The following PIEZO2 variants were observed in gnomAD, a reference collection of about 807,000 sequenced individuals.
PIEZO2 encodes piezo type mechanosensitive ion channel component 2.
PIEZO2 carries 172 observed loss-of-function variants against 337.3 expected under a neutral mutation model. The ratio of observed to expected loss-of-function variants is 0.51; its 90% CI spans 0.45 to 0.58. The LOEUF (loss-of-function observed/expected upper bound fraction) is 0.58. PIEZO2 is among the 20% of genes least tolerant of loss of function. PIEZO2 has a pLI of 0.00. For missense variants in PIEZO2, 3,028 were observed against 3,391.3 expected (o/e 0.89, Z 2.66); for synonymous variants, 1,251 against 1,228.5 (o/e 1.02, Z -0.38).
In PIEZO2 at chr18:11,149,129, G is replaced by A. The variant is rs886563483; in HGVS notation, c.-541C>T. ...ACGCAGGCTGCCGCGCTCTGGCCTC[G>A]GCCCCGGCTCTCGGAGCTGCCCGGC... is the stretch of plus-strand genomic sequence containing the variant. On this transcript the variant is annotated 5_prime_UTR_variant, in exon 1 of 56. Coordinates refer to ENST00000674853, the MANE Select transcript of PIEZO2 (RefSeq NM_001378183.1). The surrounding 1 kb of genome is among the most constrained non-coding windows in gnomAD (Gnocchi z 8.7). Among the ~76,000 whole-genome samples, 1 of 152,114 alleles carries A rather than the reference G, an allele frequency of 6.6e-6. No homozygotes were observed. Among genetic ancestry groups the A allele is most frequent in the Non-Finnish European group, 1.5e-5 (1 of 68,002 alleles).
chr18:10,777,287 ATTTG>A (rs771830701), intron 18 of PIEZO2, among the ~76,000 whole-genome samples: 5 of 152,304 alleles, frequency 3.3e-5, no homozygotes, highest in South Asian at 2.1e-4. Flanking sequence ...GATGACAAGT[ATTTG>A]TTTGTGTCTT....
chr18:10,737,811 G>C (rs1258514415), intron 33 of PIEZO2: 1 of 152,118 alleles, frequency 6.6e-6, no homozygotes, highest in East Asian at 1.9e-4. Context: ...ATTATATTCA[G>C]GTTTTCAAAT....
Position 10,676,567 on chromosome 18 carries a change from C to T in PIEZO2, c.8081+1180G>A, listed in dbSNP as rs510529. On this transcript the variant is annotated intron_variant, in intron 53 of 55. Coordinates refer to ENST00000674853, the MANE Select transcript of PIEZO2 (RefSeq NM_001378183.1). This position sits in a 1 kb window ranked among gnomAD's most constrained non-coding sequence, Gnocchi z 5.1. ...TCCTCCTCAACCGTGTATACTCTAC[C>T]CCCATTCAGAGACCCAGGGGCAGGA... Among the ~76,000 whole-genome samples, 66,669 of 152,034 alleles carry T rather than the reference C, an allele frequency of 0.44. 15,722 individuals carry two copies. Among genetic ancestry groups the T allele is most frequent in the East Asian group, 0.64 (3,285 of 5,160 alleles).
chr18:10,843,814 C>G (rs1346754757), intron 7 of PIEZO2, among the ~76,000 whole-genome samples: 1 of 152,188 alleles, frequency 6.6e-6, no homozygotes, highest in Non-Finnish European at 1.5e-5. Flanking sequence ...AAGAGTAGCT[C>G]ACTCCACACC....
Position 10,680,335 on chromosome 18 carries a change from C to A in PIEZO2, c.7816G>T (p.Asp2606Tyr). 1 of 1,613,978 alleles carries A rather than the reference C, an allele frequency of 6.2e-7. No homozygotes were observed. The highest frequency in any genetic ancestry group is 8.5e-7 in the Non-Finnish European group (1 of 1,179,940). Residue 2606 changes from aspartate (D) to tyrosine (Y), a missense_variant, in exon 52 of 56, where the codon GAC becomes TAC. Coordinates refer to ENST00000674853, the MANE Select transcript of PIEZO2 (RefSeq NM_001378183.1). ...CCTTCCAGTTCTGCTACTGTTATGT[C>A]TTCTTTTTCATAATTTTCCAGAAAT... is the stretch of plus-strand genomic sequence containing the variant. ...MQFLENYEKE[D>Y]ITVAELEGNS...
At position 11,078,374 on chromosome 18, in the gene PIEZO2, A is replaced by G. The variant is rs1042894412; in HGVS notation, c.65-12152T>C. 3.9e-5 allele frequency among the ~76,000 whole-genome samples: 6 copies of G among 152,188 alleles called. No homozygotes were observed. The highest frequency in any genetic ancestry group is 8.8e-5 in the Non-Finnish European group (6 of 68,026). On this transcript the variant is annotated intron_variant, in intron 1 of 55. Coordinates refer to ENST00000674853, the MANE Select transcript of PIEZO2 (RefSeq NM_001378183.1). The surrounding 1 kb of genome is among the most constrained non-coding windows in gnomAD (Gnocchi z 5.3). ...GCCTTGGACTGAGGTGTGCATTAAC[A>G]CGAAAAGAAATCAATTCAACTAACT...
chr18:10,723,549 A>G (rs2036408835), intron 36 of PIEZO2, among the ~76,000 whole-genome samples: 1 of 152,102 alleles, frequency 6.6e-6, no homozygotes, highest in Non-Finnish European at 1.5e-5. Flanking sequence ...TGGAGAAATA[A>G]CAGCATGTGT....
At chr18:10,694,244 GAACGGTCAGAACCTA>G (rs1252692646) in intron 47 of PIEZO2, among the ~76,000 whole-genome samples, 3 of 151,672 alleles carry the variant, frequency 2.0e-5, no homozygotes, top group Admixed American at 6.6e-5. Flanking sequence ...TACTGAAATC[GAACGGTCAGAACCTA>G]AACACTCAAA....
chr18:10,759,754 G>T lies in PIEZO2; in HGVS notation c.3606C>A (p.Ile1202=), dbSNP rs977439938. 15 of 1,537,218 alleles carry T rather than the reference G, an allele frequency of 9.8e-6. No individual in the cohort carries two copies. The highest frequency in any genetic ancestry group is 1.3e-5 in the Non-Finnish European group (15 of 1,146,926). The stretch of plus-strand genomic sequence containing the variant: ...CAATGCAGATGAAATACTGGAAGGT[G>T]ATGATGCATGCCAGGAAGCAGCAGT... ...PKYCCFLACI[I]TFQYFICIGI... is the part of the protein sequence containing the mutation. Residue 1202 remains isoleucine (I), a synonymous_variant, in exon 25 of 56, where the codon ATC becomes ATA. Transcript: ENST00000674853. The surrounding 1 kb of genome is among the most constrained non-coding windows in gnomAD (Gnocchi z 5.5).
Position 11,036,933 on chromosome 18 carries a change from C to T in PIEZO2, c.160+29194G>A, listed in dbSNP as rs145396144. ...CGTGGACCCAGGCACTTCATACTTG[C>T]AGTCAGAATTTTTTTTTCTTATTTG... On this transcript the variant is annotated intron_variant, in intron 2 of 55. Transcript: ENST00000674853. Among the ~76,000 whole-genome samples the T allele has an allele frequency of 1.2e-3, 187 of 152,150 alleles. 1 individual carries two copies. Among genetic ancestry groups the T allele is most frequent in the African/African-American group, 4.4e-3 (182 of 41,504 alleles).
At chr18:10,838,468 C>T (rs1446772817) in intron 7 of PIEZO2, among the ~76,000 whole-genome samples, 1 of 152,204 alleles carries the variant, frequency 6.6e-6, no homozygotes, top group Non-Finnish European at 1.5e-5. Context: ...GGGGCACAAA[C>T]ATGTCTTAAC....
rs1182182974 is a variant in PIEZO2, at chr18:10,877,121, AC to A, written c.330-5707del. 3.3e-5 allele frequency among the ~76,000 whole-genome samples: 5 copies of A among 152,144 alleles called. No individual in the cohort carries two copies. Among genetic ancestry groups the A allele is most frequent in the African/African-American group, 1.2e-4 (5 of 41,426 alleles). The stretch of plus-strand genomic sequence containing the variant: ...GCCACCAGACTCTTCTCTACGTCCT[AC>A]TTAATTGTTGATGAGTCCACAAAAT... On this transcript the variant is annotated intron_variant, in intron 4 of 55. Coordinates refer to ENST00000674853, the MANE Select transcript of PIEZO2 (RefSeq NM_001378183.1). The surrounding 1 kb of genome is among the most constrained non-coding windows in gnomAD (Gnocchi z 5.3).
chr18:10,732,355 A>C (rs1321561145), intron 35 of PIEZO2, among the ~76,000 whole-genome samples: 3 of 152,208 alleles, frequency 2.0e-5, no homozygotes, highest in African/African-American at 7.2e-5. Flanking sequence ...TTTCATTATG[A>C]TGATAAAGTT....
Position 11,050,223 on chromosome 18 carries a change from A to C in PIEZO2, c.160+15904T>G, listed in dbSNP as rs536255065. The stretch of plus-strand genomic sequence containing the variant: ...GTGGTGAGCTGATATTGATAATAAA[A>C]CACCTAATAATTCACCCAATTAAAT... On this transcript the variant is annotated intron_variant, in intron 2 of 55. Coordinates refer to ENST00000674853, the MANE Select transcript of PIEZO2 (RefSeq NM_001378183.1). Among the ~76,000 whole-genome samples the C allele has an allele frequency of 3.9e-5, 6 of 152,270 alleles. No individual in the cohort carries two copies. In the East Asian group the frequency reaches 1.2e-3, roughly 29 times the overall value.
Position 11,131,049 on chromosome 18 carries a change from T to C in PIEZO2, c.64+17476A>G, listed in dbSNP as rs965571553. 5.3e-5 allele frequency among the ~76,000 whole-genome samples: 8 copies of C among 152,212 alleles called. No homozygotes were observed. Among genetic ancestry groups the C allele is most frequent in the Non-Finnish European group, 1.2e-4 (8 of 68,030 alleles). ...ATAGGTGAATCACAGCAAAGGCCTC[T>C]AGGATTTTGGAGCAAGGCCCTGCCA... is the stretch of plus-strand genomic sequence containing the variant. On this transcript the variant is annotated intron_variant, in intron 1 of 55. Transcript: ENST00000674853. This position sits in a 1 kb window ranked among gnomAD's most constrained non-coding sequence, Gnocchi z 5.3.
In PIEZO2 at chr18:11,077,215, G is replaced by T. The variant is rs997434838; in HGVS notation, c.65-10993C>A. 2.0e-5 allele frequency among the ~76,000 whole-genome samples: 3 copies of T among 152,068 alleles called. No individual in the cohort carries two copies. The highest frequency in any genetic ancestry group is 4.8e-5 in the African/African-American group (2 of 41,422). On this transcript the variant is annotated intron_variant, in intron 1 of 55. Coordinates refer to ENST00000674853, the MANE Select transcript of PIEZO2 (RefSeq NM_001378183.1). The surrounding 1 kb of genome is among the most constrained non-coding windows in gnomAD (Gnocchi z 4.8). ...TTATGATGAATAAGAATAATTAGGG[G>T]GCCAACTGGGAGCTAAGAAAAGGTC...
intron 1 of PIEZO2, among the ~76,000 whole-genome samples, chr18:11,085,386 C>T (rs2038876170): frequency 6.6e-6 from 1 of 152,136 alleles, no homozygotes; most frequent in South Asian, 2.1e-4. Context: ...TCCTAAGACA[C>T]TCCAACATCT....
intron 45 of PIEZO2, among the ~76,000 whole-genome samples, chr18:10,697,019 C>A (rs1014879258): frequency 6.6e-6 from 1 of 152,126 alleles, no homozygotes; most frequent in Non-Finnish European, 1.5e-5. Context: ...GGTCCATGCG[C>A]GTTTGAATGT....
At chr18:10,848,722 G>A (rs2041442367) in intron 7 of PIEZO2, among the ~76,000 whole-genome samples, 1 of 152,196 alleles carries the variant, frequency 6.6e-6, no homozygotes, top group Admixed American at 6.5e-5. Context: ...ATGAAAGCCA[G>A]TCAAGGATTA....
Sources: gnomAD v4.1 joint callset for allele counts (sites outside exome capture counted in the v4.1 genomes callset) on GRCh38, gnomAD v4.1.1 for gene constraint, Gnocchi (gnomAD v3.1) non-coding constraint, MANE v1.5 for transcripts, NCBI Gene and HGNC (gene_info 2026-07-23, HGNC 2026-07-21) for gene names.